ASTN2: variants seen among roughly 807,000 people sequenced by gnomAD.
ASTN2 encodes astrotactin 2.
In ASTN2, 54 loss-of-function variants were observed where a neutral mutation model predicts 139.8. The observed-to-expected ratio is 0.39, with a 90% CI of 0.31 to 0.48. ASTN2 has a LOEUF of 0.48. Among genes scored for constraint, ASTN2 ranks in the 20% least tolerant of loss-of-function variants. ASTN2 has a pLI of 0.95. For synonymous variants in ASTN2, 756 were observed against 719.5 expected (o/e 1.05, Z -0.81); for missense variants, 1,565 against 1,725.1 (o/e 0.91, Z 1.64).
intron 19 of ASTN2, among the ~76,000 whole-genome samples, chr9:116,580,111 C>T (rs1853890134): frequency 1.3e-5 from 2 of 152,208 alleles, no homozygotes; most frequent in African/African-American, 4.8e-5. Context: ...TGAGCCCCCG[C>T]ACCCGGCCAG....
At chr9:117,386,642 A>C (rs1830407466) in intron 1 of ASTN2, among the ~76,000 whole-genome samples, 1 of 152,064 alleles carries the variant, frequency 6.6e-6, no homozygotes, top group South Asian at 2.1e-4. Context: ...AGGAAGCAGG[A>C]GGTAAGTTCT....
chr9:116,858,741 C>T (rs926774765), intron 11 of ASTN2, among the ~76,000 whole-genome samples: 7 of 152,174 alleles, frequency 4.6e-5, no homozygotes, highest in African/African-American at 1.7e-4. Context: ...CTTCCTCTAT[C>T]ACTGGTCAAG....
At chr9:117,116,934 A>G (rs142143910) in intron 4 of ASTN2, among the ~76,000 whole-genome samples, 73 of 149,356 alleles carry the variant, frequency 4.9e-4, no homozygotes, top group African/African-American at 1.7e-3. Context: ...CCTATTACTG[A>G]TGTATAAAGC....
At chr9:116,702,067 G>A (rs1471637973) in intron 16 of ASTN2, among the ~76,000 whole-genome samples, 1 of 152,038 alleles carries the variant, frequency 6.6e-6, no homozygotes, top group African/African-American at 2.4e-5. Flanking sequence ...TGCAAAACTT[G>A]TGAATCTACA....
chr9:116,539,612 G>C (rs1045420054), intron 19 of ASTN2, among the ~76,000 whole-genome samples: 1 of 152,150 alleles, frequency 6.6e-6, no homozygotes, highest in African/African-American at 2.4e-5. Context: ...GTGGACGTCT[G>C]AAACCACAGA....
At chr9:117,226,593 GTTT>G (rs1418084710) in intron 2 of ASTN2, among the ~76,000 whole-genome samples, 5 of 115,734 alleles carry the variant, frequency 4.3e-5, no homozygotes, top group South Asian at 2.8e-4. Flanking sequence ...CATAAAGCGG[GTTT>G]GTTTGTTTGT....
chr9:117,209,041 T>C (rs1932208), intron 3 of ASTN2, among the ~76,000 whole-genome samples: 54,973 of 151,830 alleles, frequency 0.36, 10,045 homozygotes, highest in East Asian at 0.43. Context: ...ACTATACAAC[T>C]CACTGGTAGA....
At chr9:116,505,826 A>T (rs1382145741) in intron 19 of ASTN2, among the ~76,000 whole-genome samples, 1 of 151,994 alleles carries the variant, frequency 6.6e-6, no homozygotes, top group Non-Finnish European at 1.5e-5. Context: ...GCTCCTGAGG[A>T]TGCTCCAGGG....
chr9:117,001,991 A>G (rs1837205808), intron 7 of ASTN2, among the ~76,000 whole-genome samples: 1 of 152,324 alleles, frequency 6.6e-6, no homozygotes, highest in South Asian at 2.1e-4. Flanking sequence ...AATCTAATGA[A>G]TTGAACTAAA....
At chr9:116,435,132 C>T (rs1000686986) in intron 22 of ASTN2, among the ~76,000 whole-genome samples, 4 of 152,118 alleles carry the variant, frequency 2.6e-5, no homozygotes, top group African/African-American at 7.2e-5. Context: ...GTCTCTATGA[C>T]CTTCAGGGTT....
At chr9:116,917,598 A>C (rs1348524568) in intron 10 of ASTN2, among the ~76,000 whole-genome samples, 1 of 152,216 alleles carries the variant, frequency 6.6e-6, no homozygotes, top group Admixed American at 6.5e-5. Context: ...GCCTCATCCC[A>C]AACCCTCTAC....
intron 3 of ASTN2, among the ~76,000 whole-genome samples, chr9:117,207,934 G>A (rs931556762): frequency 1.3e-5 from 2 of 152,196 alleles, no homozygotes; most frequent in Non-Finnish European, 2.9e-5. Flanking sequence ...AGAAACTCTA[G>A]TATTGCATCT....
At chr9:117,187,592 A>C (rs1211503294) in intron 3 of ASTN2, among the ~76,000 whole-genome samples, 1 of 152,152 alleles carries the variant, frequency 6.6e-6, no homozygotes, top group Non-Finnish European at 1.5e-5. Flanking sequence ...AGTTATCACA[A>C]GAGTGAATCT....
At chr9:116,936,069 TCACCACCATCACCACTACCACCACCA>T (rs2132459804) in intron 10 of ASTN2, among the ~76,000 whole-genome samples, 1 of 1,452 alleles carries the variant, frequency 6.9e-4, no homozygotes, top group African/African-American at 3.1e-3. Context: ...ACTAACATCA[TCACCACCATCACCACTACCACCACCA>T]CACCACTACC....
intron 1 of ASTN2, among the ~76,000 whole-genome samples, chr9:117,299,845 T>C (rs1324651338): frequency 6.6e-6 from 1 of 152,174 alleles, no homozygotes; most frequent in Non-Finnish European, 1.5e-5. Flanking sequence ...TTAAACAGCC[T>C]GGGTTAGTGA....
At chr9:117,141,835 C>A (rs1046166700) in intron 3 of ASTN2, among the ~76,000 whole-genome samples, 3 of 152,062 alleles carry the variant, frequency 2.0e-5, no homozygotes, top group Non-Finnish European at 4.4e-5. Context: ...TAACATTGTG[C>A]AATATTTTTG....
At chr9:117,185,819 A>G (rs892113663) in intron 3 of ASTN2, among the ~76,000 whole-genome samples, 2 of 152,168 alleles carry the variant, frequency 1.3e-5, no homozygotes, top group Non-Finnish European at 2.9e-5. Flanking sequence ...CCAAAGAGGA[A>G]CAGAGAAAAA....
At chr9:116,854,860 G>T (rs1259944364) in intron 11 of ASTN2, among the ~76,000 whole-genome samples, 2 of 151,858 alleles carry the variant, frequency 1.3e-5, no homozygotes, top group Non-Finnish European at 2.9e-5. Context: ...CACCATGTTG[G>T]CCAGGATGGT....
chr9:117,035,953 C>T (rs1376646901), intron 6 of ASTN2, among the ~76,000 whole-genome samples: 1 of 152,152 alleles, frequency 6.6e-6, no homozygotes, highest in Non-Finnish European at 1.5e-5. Flanking sequence ...TGCCATATTC[C>T]AGCTTCTGAA....
Sources: gnomAD v4.1 joint callset for allele counts (sites outside exome capture counted in the v4.1 genomes callset) on GRCh38, gnomAD v4.1.1 for gene constraint, MANE v1.5 for transcripts, NCBI Gene and HGNC (gene_info 2026-07-23, HGNC 2026-07-21) for gene names.